PRIM2: variants seen among roughly 807,000 people sequenced by gnomAD.
PRIM2 encodes the protein DNA primase large subunit.
Under a neutral mutation model 67.3 loss-of-function variants are expected in PRIM2, and 39 were observed. The ratio of observed to expected loss-of-function variants is 0.58; its 90% CI spans 0.45 to 0.76. PRIM2 has a LOEUF of 0.76. Among genes scored for constraint, PRIM2 ranks in the 30% least tolerant of loss-of-function variants. The probability of loss-of-function intolerance (pLI) is 0.00; values close to 1 mark genes in which losing one functional copy is unlikely to be tolerated. For missense variants in PRIM2, 398 were observed against 598.7 expected, an observed-to-expected ratio of 0.66 and a Z score of 3.50; for synonymous variants, 143 against 198.7, an observed-to-expected ratio of 0.72 and a Z score of 2.36.
At chr6:57,534,014 A>G (rs1206723229) in intron 9 of PRIM2, among the ~76,000 whole-genome samples, 2 of 152,282 alleles carry the variant, frequency 1.3e-5, no homozygotes, top group Non-Finnish European at 1.5e-5. Flanking sequence ...CTCTGTATCT[A>G]TATTGTTTGA....
chr6:57,591,215 G>A (rs1582008467), intron 10 of PRIM2, among the ~76,000 whole-genome samples: 1 of 152,022 alleles, frequency 6.6e-6, no homozygotes, highest in Admixed American at 6.6e-5. Context: ...TTAAAAGGGG[G>A]CACCATATAT....
Position 57,447,561 on chromosome 6 carries a change from TG to T in PRIM2, c.694-59823del, listed in dbSNP as rs530214593. Among the ~76,000 whole-genome samples, 20 of 152,168 alleles carry T rather than the reference TG, an allele frequency of 1.3e-4. No individual in the cohort carries two copies. In the East Asian group the frequency reaches 2.9e-3, roughly 22 times the overall value. On this transcript the variant is annotated intron_variant, in intron 7 of 13. Transcript: ENST00000615550. ...AAGGTGTGATGAATGAAATAAACAGTGGGAGATAATGATCACATTGATTTAA... is the reference window on the plus strand; with the variant it reads ...AAGGTGTGATGAATGAAATAAACAGTGGAGATAATGATCACATTGATTTAA...
the PRIM2 span, among the ~76,000 whole-genome samples, chr6:57,264,227 T>C: frequency 2.0e-5 from 3 of 152,182 alleles, no homozygotes; most frequent in African/African-American, 7.2e-5. Context: ...ATAGTTGCTA[T>C]GGAAGTATTT....
intron 7 of PRIM2, among the ~76,000 whole-genome samples, chr6:57,463,729 C>T (rs13213619): frequency 7.9e-5 from 12 of 152,214 alleles, no homozygotes; most frequent in Admixed American, 2.0e-4. Context: ...GCATTAACAG[C>T]ATCTCAAACC....
At chr6:57,443,711 A>G (rs1772275306) in intron 7 of PRIM2, among the ~76,000 whole-genome samples, 1 of 152,064 alleles carries the variant, frequency 6.6e-6, no homozygotes, top group Non-Finnish European at 1.5e-5. Context: ...CCCAATTCAT[A>G]GGTTGTCTCT....
chr6:57,446,300 T>A (rs1772362200), intron 7 of PRIM2, among the ~76,000 whole-genome samples: 3 of 151,450 alleles, frequency 2.0e-5, no homozygotes, highest in African/African-American at 7.3e-5. Context: ...TTTTTTTTTT[T>A]TTTAGAAGTA....
chr6:57,481,424 T>C (rs1472424493), intron 7 of PRIM2, among the ~76,000 whole-genome samples: 8 of 152,342 alleles, frequency 5.3e-5, no homozygotes, highest in Non-Finnish European at 8.8e-5. Context: ...ATCCAAGTTG[T>C]TGCATATATC....
chr6:57,450,548 T>C (rs1157832405), intron 7 of PRIM2, among the ~76,000 whole-genome samples: 1 of 152,246 alleles, frequency 6.6e-6, no homozygotes, highest in Non-Finnish European at 1.5e-5. Context: ...TTAAGTTCAG[T>C]ATGCTCTTGA....
chr6:57,579,757 AAGTT>A (rs1776046236), intron 10 of PRIM2, among the ~76,000 whole-genome samples: 1 of 152,114 alleles, frequency 6.6e-6, no homozygotes, highest in South Asian at 2.1e-4. Context: ...CTGCTTATTT[AAGTT>A]GTCCTGACAC....
chr6:57,563,022 G>C (rs1775668613), intron 10 of PRIM2, among the ~76,000 whole-genome samples: 1 of 152,186 alleles, frequency 6.6e-6, no homozygotes, highest in Admixed American at 6.5e-5. Context: ...TTTTCAAAAG[G>C]GGGATTTAAA....
chr6:57,362,282 C>T (rs1366821913), intron 5 of PRIM2, among the ~76,000 whole-genome samples: 2 of 152,128 alleles, frequency 1.3e-5, no homozygotes, highest in African/African-American at 2.4e-5. Context: ...TTTAGTAACA[C>T]CTGACTTATT....
chr6:57,571,881 C>A (rs1168457139), intron 10 of PRIM2, among the ~76,000 whole-genome samples: 1 of 152,178 alleles, frequency 6.6e-6, no homozygotes, highest in Non-Finnish European at 1.5e-5. Context: ...TGAATTGTTT[C>A]AGTCATCAAG....
At chr6:57,274,813 A>G in the PRIM2 span, among the ~76,000 whole-genome samples, 42 of 151,760 alleles carry the variant, frequency 2.8e-4, no homozygotes, top group South Asian at 8.3e-3. Flanking sequence ...GTCTTCCTCT[A>G]TTGCCCAGGC....
intron 10 of PRIM2, among the ~76,000 whole-genome samples, chr6:57,566,632 G>C (rs1775746313): frequency 6.6e-6 from 1 of 152,092 alleles, no homozygotes; most frequent in East Asian, 1.9e-4. Flanking sequence ...AATTATTTCA[G>C]ATGCACTGCC....
intron 10 of PRIM2, among the ~76,000 whole-genome samples, chr6:57,576,565 G>T (rs1382815880): frequency 6.6e-6 from 1 of 151,986 alleles, no homozygotes; most frequent in African/African-American, 2.4e-5. Context: ...GAACCACTTT[G>T]TTTAGGGGCT....
the PRIM2 span, among the ~76,000 whole-genome samples, chr6:57,270,236 C>G: frequency 1.3e-5 from 2 of 151,948 alleles, no homozygotes; most frequent in Non-Finnish European, 2.9e-5. Context: ...TGGCCATTTT[C>G]ATGATATTGA....
chr6:57,376,587 C>T (rs1274481628), intron 5 of PRIM2, among the ~76,000 whole-genome samples: 1 of 152,150 alleles, frequency 6.6e-6, no homozygotes, highest in Non-Finnish European at 1.5e-5. Flanking sequence ...CAGAGGCATA[C>T]ACAAAAGCTA....
chr6:57,516,257 A>G (rs1774485368), intron 8 of PRIM2, among the ~76,000 whole-genome samples: 1 of 152,198 alleles, frequency 6.6e-6, no homozygotes, highest in African/African-American at 2.4e-5. Flanking sequence ...CGTGTAACCT[A>G]ACACATTCAG....
chr6:57,460,440 G>A (rs1243164689), intron 7 of PRIM2, among the ~76,000 whole-genome samples: 2 of 152,084 alleles, frequency 1.3e-5, no homozygotes, highest in African/African-American at 4.8e-5. Flanking sequence ...ACAGAAGGCA[G>A]TACTTCCGAA....
Sources: allele counts gnomAD v4.1 joint callset (sites outside exome capture counted in the v4.1 genomes callset), GRCh38; gene constraint gnomAD v4.1.1; transcripts MANE v1.5; gene names NCBI Gene and HGNC (gene_info 2026-07-23, HGNC 2026-07-21).